Variants in CD47 observed in about 807,000 individuals in gnomAD.
CD47 encodes the protein leukocyte surface antigen CD47.
In CD47, 11 loss-of-function variants were observed where a neutral mutation model predicts 44.6. The ratio of observed to expected loss-of-function variants is 0.25; its 90% CI spans 0.16 to 0.41. The LOEUF (loss-of-function observed/expected upper bound fraction) is 0.41. CD47 is among the 10% of genes least tolerant of loss of function. The probability of loss-of-function intolerance (pLI) is 1.00; values close to 1 mark genes in which losing one functional copy is unlikely to be tolerated. For synonymous variants in CD47, 140 were observed against 136.3 expected (o/e 1.03, Z -0.19); for missense variants, 306 against 386.7 (o/e 0.79, Z 1.75).
At position 108,053,657 on chromosome 3, in the gene CD47, A is replaced by G. The variant is rs192289076; in HGVS notation, c.878-1687T>C. 2.8e-4 allele frequency: 42 copies of G among 152,354 alleles called. No individual in the cohort carries two copies. In the East Asian group the frequency reaches 3.7e-3, roughly 13 times the overall value. 9.4% of individuals were successfully genotyped at this position (152,354 alleles called of 1,614,324 possible). On this transcript the variant is annotated intron_variant, in intron 7 of 10. Coordinates refer to ENST00000361309, the MANE Select transcript of CD47 (RefSeq NM_001777.4). ...CTTTGATATGGAATGGATCCTTCCA[A>G]TTCCTAGACTACATACTGTCCCACC...
chr3:108,048,619 T>C (rs977786081), intron 10 of CD47, among the ~76,000 whole-genome samples: 2 of 151,862 alleles, frequency 1.3e-5, no homozygotes, highest in African/African-American at 4.8e-5. Context: ...CTCCTGACCT[T>C]GTGATCCGCC....
At position 108,049,611 on chromosome 3, in the gene CD47, A is replaced by T; in HGVS notation, c.967+8T>A. 1 of 1,546,836 alleles carries T rather than the reference A, an allele frequency of 6.5e-7. No homozygotes were observed. The highest frequency in any genetic ancestry group is 1.1e-5 in the South Asian group (1 of 89,672). On this transcript the variant is annotated splice_region_variant and intron_variant, in intron 10 of 10. Coordinates refer to ENST00000361309, the MANE Select transcript of CD47 (RefSeq NM_001777.4). ...GATCTATAATTATTAAGTGCATTTT[A>T]TACTTACCATCATTCATCATTCCTT...
At position 108,076,551 on chromosome 3, in the gene CD47, GCTATTACTCTGAC is replaced by G. The variant is rs1046360555; in HGVS notation, c.400+3427_400+3439del. Among the ~76,000 whole-genome samples, 13 of 152,202 alleles carry G rather than the reference GCTATTACTCTGAC, an allele frequency of 8.5e-5. No individual in the cohort carries two copies. The East Asian group carries it at 2.5e-3, about 29-fold the overall frequency. ...CAAAGAGATCTAGGTTTAATTCTTG[GCTATTACTCTGAC>G]CTTGAACAATACCTTGAATCTCTTT... On this transcript the variant is annotated intron_variant, in intron 2 of 10. Coordinates refer to ENST00000361309, the MANE Select transcript of CD47 (RefSeq NM_001777.4).
intron 2 of CD47, among the ~76,000 whole-genome samples, chr3:108,076,284 T>C (rs999474240): frequency 2.8e-4 from 43 of 152,220 alleles, no homozygotes; most frequent in Non-Finnish European, 7.3e-5. Context: ...ACAGACCATA[T>C]GTCCTGTTGA....
At chr3:108,053,632 C>T (rs1481035044) in intron 7 of CD47, 1 of 152,308 alleles carries the variant, frequency 6.6e-6, no homozygotes, top group African/African-American at 2.4e-5. Flanking sequence ...TGCTTCAGTT[C>T]TTTGATATGG....
rs533963964 is a variant in CD47, at chr3:108,048,595, A to G, written c.967+1024T>C. Among the ~76,000 whole-genome samples the G allele has an allele frequency of 5.0e-4, 76 of 152,080 alleles. No homozygotes were observed. In the South Asian group the frequency reaches 7.5e-3, roughly 15 times the overall value. Reference sequence around the variant, plus strand: ...GAGACGGGGTTTCACCGTGTTAGCCAGGATGGTCTCGATCTCCTGACCTTG... The same window carrying G: ...GAGACGGGGTTTCACCGTGTTAGCCGGGATGGTCTCGATCTCCTGACCTTG... On this transcript the variant is annotated intron_variant, in intron 10 of 10. Transcript: ENST00000361309.
chr3:108,073,093 T>G (rs984810943), intron 2 of CD47, among the ~76,000 whole-genome samples: 1 of 151,484 alleles, frequency 6.6e-6, no homozygotes, highest in African/African-American at 2.4e-5. Context: ...GAGTTATACC[T>G]GACTCCCTGA....
intron 2 of CD47, among the ~76,000 whole-genome samples, chr3:108,072,886 AATT>A (rs2079232903): frequency 6.6e-6 from 1 of 152,092 alleles, no homozygotes; most frequent in Admixed American, 6.6e-5. Context: ...TGATGTGAGA[AATT>A]ATTAACCCCT....
chr3:108,050,322 T>C (rs1576985463), intron 9 of CD47, among the ~76,000 whole-genome samples: 1 of 152,302 alleles, frequency 6.6e-6, no homozygotes, highest in East Asian at 1.9e-4. Context: ...TTCAACATGT[T>C]GGCCAGGATG....
chr3:108,068,753 C>A (rs775230851), intron 3 of CD47, among the ~76,000 whole-genome samples: 10 of 152,240 alleles, frequency 6.6e-5, no homozygotes, highest in South Asian at 2.1e-4. Flanking sequence ...GAGTACTTTG[C>A]ACAGAACCTG....
chr3:108,068,969 A>G (rs1577003351), intron 3 of CD47, among the ~76,000 whole-genome samples: 1 of 152,228 alleles, frequency 6.6e-6, no homozygotes, highest in Non-Finnish European at 1.5e-5. Flanking sequence ...AAATATGACC[A>G]GTACAAAAAA....
intron 8 of CD47, 89 bp from the exon 9 acceptor site, chr3:108,050,691 T>C (rs1038140765): frequency 1.4e-4 from 78 of 550,194 alleles, no homozygotes; most frequent in African/African-American, 1.0e-3. Flanking sequence ...ATATTTAAAT[T>C]ACGTAGTAAG....
chr3:108,050,791 A>G (rs1477484645), intron 8 of CD47, 189 bp from the exon 9 acceptor site: 3 of 499,072 alleles, frequency 6.0e-6, no homozygotes, highest in Non-Finnish European at 1.1e-5. Context: ...AGTCGGGTTA[A>G]TAGTTTAATA....
chr3:108,082,985 T>A (rs2079446198), intron 1 of CD47, among the ~76,000 whole-genome samples: 1 of 152,030 alleles, frequency 6.6e-6, no homozygotes, highest in Non-Finnish European at 1.5e-5. Flanking sequence ...AACTATTAAG[T>A]AGTAAAACTG....
intron 1 of CD47, among the ~76,000 whole-genome samples, chr3:108,088,164 T>C (rs1268917959): frequency 6.6e-6 from 1 of 152,166 alleles, no homozygotes; most frequent in African/African-American, 2.4e-5. Context: ...AAAAAGAACA[T>C]TACTATATTA....
chr3:108,067,188 C>A (rs1462058163), intron 3 of CD47, among the ~76,000 whole-genome samples: 1 of 152,184 alleles, frequency 6.6e-6, no homozygotes, highest in Non-Finnish European at 1.5e-5. Flanking sequence ...TTTCCCAATG[C>A]CGTTGTTATT....
intron 1 of CD47, among the ~76,000 whole-genome samples, chr3:108,090,283 G>C (rs2079605626): frequency 6.6e-6 from 1 of 152,168 alleles, no homozygotes; most frequent in African/African-American, 2.4e-5. Context: ...AGATTCTTCT[G>C]ATTGAATGCT....
rs1156973682 is a variant in CD47 at position 108,049,661 on chromosome 3, G to C, written c.935-10C>G. ...TTTGATTCTTTGAATGCTAGGATTA[G>C]TAACAAGCCAAGCAGGCAGTTAGTG... is the stretch of plus-strand genomic sequence containing the variant. On this transcript the variant is annotated splice_polypyrimidine_tract_variant and intron_variant, in intron 9 of 10. Transcript: ENST00000361309. The C allele has an allele frequency of 6.3e-7, 1 of 1,599,464 alleles. No individual in the cohort carries two copies. Among genetic ancestry groups the C allele is most frequent in the Non-Finnish European group, 8.6e-7 (1 of 1,166,894 alleles).
At chr3:108,079,567 TAA>T (rs71629342) in intron 2 of CD47, among the ~76,000 whole-genome samples, 38 of 53,108 alleles carry the variant, frequency 7.2e-4, no homozygotes, top group African/African-American at 3.4e-3. Context: ...AGTGTAAGGT[TAA>T]AAAAAAAAAA....
Sources: gnomAD v4.1 joint callset for allele counts (sites outside exome capture counted in the v4.1 genomes callset) on GRCh38, gnomAD v4.1.1 for gene constraint, MANE v1.5 for transcripts, NCBI Gene and HGNC (gene_info 2026-07-23, HGNC 2026-07-21) for gene names.